Variants in ME1 observed in about 807,000 individuals in gnomAD.
The protein encoded by ME1 is malic enzyme 1.
A neutral mutation model predicts 66.4 loss-of-function variants in ME1; 74 were observed. The ratio of observed to expected loss-of-function variants is 1.11; its 90% CI spans 0.92 to 1.35. ME1 has a LOEUF of 1.35. Ranked by LOEUF, ME1 falls within the 40% of genes most tolerant of loss-of-function variation. The probability of loss-of-function intolerance (pLI) is 0.00; values close to 1 mark genes in which losing one functional copy is unlikely to be tolerated. For missense variants in ME1, 750 were observed against 694.1 expected (o/e 1.08, Z -0.90); for synonymous variants, 251 against 235.6 (o/e 1.07, Z -0.60).
intron 5 of ME1, among the ~76,000 whole-genome samples, chr6:83,321,459 G>A (rs1768172368): frequency 6.6e-6 from 1 of 152,126 alleles, no homozygotes; most frequent in African/African-American, 2.4e-5. Context: ...CTCGAGCTTG[G>A]TGTGGGGAGG....
intron 13 of ME1, 69 bp downstream of exon 13, chr6:83,216,429 T>C: frequency 1.9e-6 from 2 of 1,072,500 alleles, no homozygotes; most frequent in South Asian, 1.3e-5. Context: ...AGATTTTTAA[T>C]ATTTAAAAAT....
chr6:83,411,644 G>C (rs1770050499), intron 1 of ME1, among the ~76,000 whole-genome samples: 2 of 152,110 alleles, frequency 1.3e-5, no homozygotes, highest in Admixed American at 6.6e-5. Context: ...GCATTATCCT[G>C]CAGGGCCTAT....
intron 12 of ME1, among the ~76,000 whole-genome samples, chr6:83,219,837 C>T (rs1217590063): frequency 1.3e-5 from 2 of 151,406 alleles, no homozygotes; most frequent in African/African-American, 4.9e-5. Flanking sequence ...ATCCACCTAC[C>T]TCAGCTTTCC....
At chr6:83,404,175 T>C (rs747506399) in intron 2 of ME1, among the ~76,000 whole-genome samples, 3 of 152,206 alleles carry the variant, frequency 2.0e-5, no homozygotes, top group Non-Finnish European at 4.4e-5. Context: ...TGTTGTTTCC[T>C]GATTTTTTTA....
intron 11 of ME1, among the ~76,000 whole-genome samples, chr6:83,226,287 G>A (rs1477038681): frequency 6.6e-6 from 1 of 152,110 alleles, no homozygotes; most frequent in Non-Finnish European, 1.5e-5. Flanking sequence ...GGCTAATTTT[G>A]TTTATGTGTG....
At chr6:83,357,411 G>A (rs960305493) in intron 3 of ME1, among the ~76,000 whole-genome samples, 1 of 152,112 alleles carries the variant, frequency 6.6e-6, no homozygotes, top group African/African-American at 2.4e-5. Context: ...TTATTCAACA[G>A]GTTTTAATCT....
At chr6:83,270,041 TATATC>T (rs1767057139) in intron 6 of ME1, among the ~76,000 whole-genome samples, 1 of 152,078 alleles carries the variant, frequency 6.6e-6, no homozygotes. Context: ...TTTTTACAAA[TATATC>T]ATATATCTCA....
chr6:83,261,420 ATTT>A (rs57450786), intron 6 of ME1, among the ~76,000 whole-genome samples: 111 of 110,866 alleles, frequency 1.0e-3, no homozygotes, highest in Middle Eastern at 0.012. Flanking sequence ...TCTGTTGGTA[ATTT>A]TTTTTTTTTT....
chr6:83,411,291 G>A (rs910200749), intron 1 of ME1, among the ~76,000 whole-genome samples: 1 of 152,092 alleles, frequency 6.6e-6, no homozygotes, highest in South Asian at 2.1e-4. Flanking sequence ...TTGAACCTGG[G>A]AGGCGGAGGT....
intron 7 of ME1, among the ~76,000 whole-genome samples, chr6:83,249,461 G>A (rs1438710030): frequency 1.3e-5 from 2 of 152,018 alleles, no homozygotes; most frequent in Non-Finnish European, 2.9e-5. Context: ...TCCTGACTTC[G>A]TGATCCGCCC....
chr6:83,393,144 C>A, intron 3 of ME1: 2 of 1,351,438 alleles, frequency 1.5e-6, no homozygotes, highest in East Asian at 2.3e-5. Context: ...CCTGACCTGC[C>A]GTCTGGAAAA....
chr6:83,392,815 G>T, intron 3 of ME1: 1 of 734,640 alleles, frequency 1.4e-6, no homozygotes, highest in South Asian at 1.3e-5. Context: ...GTTCGTGATG[G>T]GTGTGAACCA....
intron 6 of ME1, among the ~76,000 whole-genome samples, chr6:83,313,009 G>A (rs558038263): frequency 1.1e-4 from 17 of 152,052 alleles, no homozygotes; most frequent in South Asian, 2.1e-4. Context: ...TGCTTGCCTC[G>A]GCCTTCCAAA....
intron 3 of ME1, among the ~76,000 whole-genome samples, chr6:83,352,419 T>C (rs1001426930): frequency 1.3e-5 from 2 of 152,162 alleles, no homozygotes; most frequent in South Asian, 2.1e-4. Flanking sequence ...TATTTTTATG[T>C]ACAGAGAATT....
intron 3 of ME1, among the ~76,000 whole-genome samples, chr6:83,397,994 T>C (rs1459052187): frequency 6.6e-6 from 1 of 152,102 alleles, no homozygotes; most frequent in Non-Finnish European, 1.5e-5. Flanking sequence ...GGGAGCGGGT[T>C]GCGGGATTAG....
rs765312983 is a variant in ME1 at position 83,223,883 on chromosome 6, T to C, written c.1326A>G (p.Pro442=). ...GGCCAGGATATAGGGTCTGTCCATT[T>C]GGAAGAGTGACTGGATCAAAAGGAC... The part of the protein sequence containing the change: ...SGSPFDPVTL[P]NGQTLYPGQG... The change falls in exon 12 of 14, where the codon CCA becomes CCG. Residue 442 remains proline, a synonymous_variant. Transcript: ENST00000369705. 1 of 1,614,066 alleles carries C rather than the reference T, an allele frequency of 6.2e-7. No individual in the cohort carries two copies. The highest frequency in any genetic ancestry group is 8.5e-7 in the Non-Finnish European group (1 of 1,179,982).
intron 12 of ME1, among the ~76,000 whole-genome samples, chr6:83,218,356 A>G (rs1379732138): frequency 6.6e-6 from 1 of 151,916 alleles, no homozygotes; most frequent in Non-Finnish European, 1.5e-5. Context: ...GGTGCATGCT[A>G]CTCCTTCTTA....
chr6:83,311,776 A>G (rs1767935405), intron 6 of ME1, among the ~76,000 whole-genome samples: 1 of 152,166 alleles, frequency 6.6e-6, no homozygotes, highest in African/African-American at 2.4e-5. Context: ...GAGAATGCTT[A>G]ACAATCAGAA....
intron 6 of ME1, among the ~76,000 whole-genome samples, chr6:83,287,476 C>T (rs1387036850): frequency 6.6e-6 from 1 of 151,956 alleles, no homozygotes; most frequent in African/African-American, 2.4e-5. Context: ...CTGCAAAGAA[C>T]ATGAACTCAT....
Sources: gnomAD v4.1 joint callset for allele counts (sites outside exome capture counted in the v4.1 genomes callset) on GRCh38, gnomAD v4.1.1 for gene constraint, MANE v1.5 for transcripts, NCBI Gene and HGNC (gene_info 2026-07-23, HGNC 2026-07-21) for gene names.